ADK: variants seen among roughly 807,000 people sequenced by gnomAD.
The protein encoded by ADK is adenosine kinase, also known as N6,N6-dimethyladenosine kinase.
A neutral mutation model predicts 44.7 loss-of-function variants in ADK; 24 were observed. That is an observed-to-expected ratio of 0.54 (90% CI 0.39 to 0.76). The LOEUF is 0.76. Ranked by LOEUF, ADK falls within the 30% of genes least tolerant of loss-of-function variation. The pLI is 0.00. For missense variants in ADK, 321 were observed against 425.1 expected, an observed-to-expected ratio of 0.76 and a Z score of 2.15; for synonymous variants, 128 against 142.6, an observed-to-expected ratio of 0.90 and a Z score of 0.73.
At chr10:74,248,714 T>C (rs1013014268) in intron 3 of ADK, among the ~76,000 whole-genome samples, 2 of 152,196 alleles carry the variant, frequency 1.3e-5, no homozygotes, top group Non-Finnish European at 2.9e-5. Context: ...TAAACAAGTA[T>C]AAAAAGGCAG....
chr10:74,461,097 G>A (rs1056679380), intron 6 of ADK, among the ~76,000 whole-genome samples: 4 of 152,062 alleles, frequency 2.6e-5, no homozygotes, highest in Admixed American at 2.6e-4. Flanking sequence ...AATACTTAGA[G>A]CAAGTCCTTA....
intron 6 of ADK, among the ~76,000 whole-genome samples, chr10:74,430,555 G>T (rs904371626): frequency 3.3e-5 from 5 of 152,048 alleles, no homozygotes; most frequent in Admixed American, 6.5e-5. Context: ...AGAAGTTCAT[G>T]ACCAGCCTGG....
chr10:74,470,588 C>CGGTTTTTTT (rs1288257945), intron 6 of ADK, among the ~76,000 whole-genome samples: 1 of 21,622 alleles, frequency 4.6e-5, no homozygotes, highest in Admixed American at 4.8e-4. Flanking sequence ...CATTCTGTAT[C>CGGTTTTTTT]TTCTTTGAAA....
At chr10:74,378,743 G>T (rs147480588) in intron 4 of ADK, among the ~76,000 whole-genome samples, 299 of 152,172 alleles carry the variant, frequency 2.0e-3, no homozygotes, top group African/African-American at 7.0e-3. Context: ...GGGTTTCTGG[G>T]GGAAATCCAG....
intron 4 of ADK, among the ~76,000 whole-genome samples, chr10:74,342,160 T>G (rs1366660327): frequency 6.6e-6 from 1 of 152,190 alleles, no homozygotes; most frequent in African/African-American, 2.4e-5. Context: ...TTAGAGTCAG[T>G]TTGTCAATTT....
At chr10:74,302,128 T>TTTTTTTTTTTTTG (rs1840075815) in intron 3 of ADK, among the ~76,000 whole-genome samples, 1 of 89,388 alleles carries the variant, frequency 1.1e-5, no homozygotes, top group African/African-American at 4.2e-5. Flanking sequence ...TTTTTTTTTT[T>TTTTTTTTTTTTTG]TTTTTTTTTT....
chr10:74,541,707 T>A (rs982349711), intron 7 of ADK, among the ~76,000 whole-genome samples: 4 of 149,770 alleles, frequency 2.7e-5, no homozygotes, highest in African/African-American at 9.8e-5. Context: ...GCAGGAGGAT[T>A]GCTTGAGCCC....
At chr10:74,479,191 G>A (rs1846973168) in intron 6 of ADK, among the ~76,000 whole-genome samples, 3 of 151,144 alleles carry the variant, frequency 2.0e-5, no homozygotes, top group Admixed American at 2.0e-4. Flanking sequence ...TAAAGACGTG[G>A]TTTCACCAGT....
chr10:74,708,153 G>GAAAAA (rs35480343), intron 10 of ADK, among the ~76,000 whole-genome samples, 168 bp from the exon 11 acceptor site: 1 of 132,722 alleles, frequency 7.5e-6, no homozygotes, highest in Admixed American at 7.9e-5. Context: ...CCATCTCGGG[G>GAAAAA]AAAAAAAAAA....
intron 3 of ADK, among the ~76,000 whole-genome samples, chr10:74,234,188 C>A (rs1844879740): frequency 6.6e-6 from 1 of 152,202 alleles, no homozygotes; most frequent in South Asian, 2.1e-4. Context: ...TATTTATTAG[C>A]AGCCAATCTA....
chr10:74,271,915 CTTAG>C (rs1413920188), intron 3 of ADK, among the ~76,000 whole-genome samples: 1 of 152,126 alleles, frequency 6.6e-6, no homozygotes, highest in South Asian at 2.1e-4. Context: ...CAAATAAATA[CTTAG>C]TTTTTTTCTG....
intron 10 of ADK, among the ~76,000 whole-genome samples, chr10:74,685,287 T>G (rs1204867183): frequency 1.3e-5 from 2 of 152,264 alleles, no homozygotes; most frequent in Non-Finnish European, 2.9e-5. Context: ...TATGGTAAAC[T>G]TTTTATGTCT....
intron 10 of ADK, among the ~76,000 whole-genome samples, chr10:74,673,646 C>T (rs1035994308): frequency 6.6e-6 from 1 of 152,200 alleles, no homozygotes; most frequent in Admixed American, 6.5e-5. Flanking sequence ...ACAGCTTAAG[C>T]ATTAACAGCT....
At chr10:74,567,314 TTTAACA>T (rs1850704733) in intron 7 of ADK, among the ~76,000 whole-genome samples, 1 of 152,224 alleles carries the variant, frequency 6.6e-6, no homozygotes, top group Admixed American at 6.5e-5. Flanking sequence ...TTGTCTTCCC[TTTAACA>T]TTGAGTCTGC....
chr10:74,465,343 G>A (rs956443100), intron 6 of ADK, among the ~76,000 whole-genome samples: 2 of 152,102 alleles, frequency 1.3e-5, no homozygotes, highest in Non-Finnish European at 2.9e-5. Context: ...GTAAGTAGGA[G>A]ATATAATTAC....
At chr10:74,339,604 CT>C (rs1444896974) in intron 4 of ADK, among the ~76,000 whole-genome samples, 1 of 152,154 alleles carries the variant, frequency 6.6e-6, no homozygotes, top group African/African-American at 2.4e-5. Context: ...CCATACAAAG[CT>C]GGACTCATTT....
intron 7 of ADK, among the ~76,000 whole-genome samples, chr10:74,551,172 TATAGA>T (rs1850023981): frequency 6.6e-6 from 1 of 152,170 alleles, no homozygotes; most frequent in African/African-American, 2.4e-5. Flanking sequence ...GCCACTGGGA[TATAGA>T]GGAGAAAGGA....
intron 9 of ADK, among the ~76,000 whole-genome samples, chr10:74,638,996 A>G (rs1040109864): frequency 3.9e-5 from 6 of 152,012 alleles, no homozygotes; most frequent in African/African-American, 1.5e-4. Flanking sequence ...TTTTGTAGAG[A>G]CAGGGTTTCA....
At chr10:74,655,743 C>T (rs1202936018) in intron 9 of ADK, 2 of 487,810 alleles carry the variant, frequency 4.1e-6, no homozygotes, top group East Asian at 5.1e-5. Flanking sequence ...ATTGCTGTTC[C>T]TCCAGTTGCC....
Sources: allele counts gnomAD v4.1 joint callset (sites outside exome capture counted in the v4.1 genomes callset), GRCh38; gene constraint gnomAD v4.1.1; transcripts MANE v1.5; gene names NCBI Gene and HGNC (gene_info 2026-07-23, HGNC 2026-07-21).